PHF20: variants seen among roughly 807,000 people sequenced by gnomAD.
The protein encoded by PHF20 is PHD finger protein 20, also known as glioma-expressed antigen 2.
A neutral mutation model predicts 113.5 loss-of-function variants in PHF20; 23 were observed. The ratio of observed to expected loss-of-function variants is 0.20; its 90% CI spans 0.15 to 0.29. The LOEUF (loss-of-function observed/expected upper bound fraction) is 0.29. Ranked by LOEUF, PHF20 falls within the 10% of genes least tolerant of loss-of-function variation. The pLI is 1.00. For missense variants in PHF20, 943 were observed against 1,219.6 expected, an observed-to-expected ratio of 0.77 and a Z score of 3.38; for synonymous variants, 434 against 457.3, an observed-to-expected ratio of 0.95 and a Z score of 0.65.
rs1239014187 is a variant in PHF20, at chr20:35,863,261, C to T, written c.669C>T (p.Asn223=). The change falls in exon 6 of 18, where the codon AAC becomes AAT. Residue 223 remains asparagine, a synonymous_variant. Coordinates refer to ENST00000374012, the MANE Select transcript of PHF20 (RefSeq NM_016436.5). ...LPKNEKEDKE[N]ISENDREYSG... is the part of the protein sequence containing the mutation. The stretch of plus-strand genomic sequence containing the variant: ...AGAACGAGAAGGAAGACAAGGAAAA[C>T]ATTTCCGAAAATGACAGAGAGTATT... 4 of 1,614,036 alleles carry T rather than the reference C, an allele frequency of 2.5e-6. No homozygotes were observed. Among genetic ancestry groups the T allele is most frequent in the Non-Finnish European group, 3.4e-6 (4 of 1,180,016 alleles).
chr20:35,924,110 A>G (rs2055572684), intron 13 of PHF20, among the ~76,000 whole-genome samples: 2 of 151,948 alleles, frequency 1.3e-5, no homozygotes, highest in African/African-American at 2.4e-5. Context: ...TGTTAAGTAC[A>G]TTCACATTGC....
At chr20:35,863,962 A>T (rs1029032908) in intron 6 of PHF20, among the ~76,000 whole-genome samples, 1 of 152,204 alleles carries the variant, frequency 6.6e-6, no homozygotes, top group African/African-American at 2.4e-5. Flanking sequence ...TAGAGGGTAT[A>T]GATTTAGGGA....
At chr20:35,841,162 T>A (rs902685014) in intron 2 of PHF20, among the ~76,000 whole-genome samples, 18 of 152,010 alleles carry the variant, frequency 1.2e-4, no homozygotes, top group African/African-American at 3.9e-4. Context: ...CTGGGCAACG[T>A]AACAGAACTC....
At chr20:35,775,581 C>A (rs2041156581) in intron 1 of PHF20, among the ~76,000 whole-genome samples, 3 of 152,016 alleles carry the variant, frequency 2.0e-5, no homozygotes, top group Admixed American at 2.0e-4. Context: ...CAGTGAAACC[C>A]TGTCTCTACT....
chr20:35,795,723 A>AT, intron 1 of PHF20, among the ~76,000 whole-genome samples: 1 of 152,262 alleles, frequency 6.6e-6, no homozygotes, highest in Admixed American at 6.6e-5. Context: ...CTGAGGTTCG[A>AT]TTGCTGGCTC....
chr20:35,897,378 T>A (rs1451485669), intron 9 of PHF20, among the ~76,000 whole-genome samples: 5 of 152,096 alleles, frequency 3.3e-5, no homozygotes, highest in African/African-American at 1.2e-4. Flanking sequence ...ATGTATACGA[T>A]GTATAATGAT....
At chr20:35,803,875 T>C (rs1283352653) in intron 2 of PHF20, among the ~76,000 whole-genome samples, 1 of 151,728 alleles carries the variant, frequency 6.6e-6, no homozygotes, top group Non-Finnish European at 1.5e-5. Flanking sequence ...CCACCCCTGA[T>C]ATAGGGTCTT....
chr20:35,892,045 G>GT (rs932566559), intron 9 of PHF20, among the ~76,000 whole-genome samples: 267 of 144,052 alleles, frequency 1.9e-3, no homozygotes, highest in Non-Finnish European at 3.0e-3. Flanking sequence ...AATTTTTTTT[G>GT]TTTTTTTTTG....
intron 9 of PHF20, chr20:35,878,814 G>T: frequency 1.6e-6 from 1 of 612,818 alleles, no homozygotes; most frequent in East Asian, 2.8e-5. Context: ...TATTATTGTT[G>T]AAAATAAACT....
chr20:35,887,900 A>T (rs2054767166), intron 9 of PHF20: 1 of 150,990 alleles, frequency 6.6e-6, no homozygotes, highest in African/African-American at 2.4e-5. Context: ...GGAGGCAGGG[A>T]TTATTAGGAA....
intron 15 of PHF20, 59 bp downstream of exon 15, chr20:35,931,503 T>C (rs1600956491): frequency 1.5e-6 from 2 of 1,327,202 alleles, no homozygotes; most frequent in East Asian, 2.4e-5. Context: ...GGGGGCTGAG[T>C]AAATCTGAGA....
intron 2 of PHF20, among the ~76,000 whole-genome samples, chr20:35,813,974 G>A (rs2042022890): frequency 6.7e-6 from 1 of 148,610 alleles, no homozygotes; most frequent in Non-Finnish European, 1.5e-5. Context: ...TGACCTCTGA[G>A]GTTGAGGCTG....
chr20:35,917,549 G>T lies in PHF20; in HGVS notation c.1891G>T (p.Asp631Tyr). The stretch of plus-strand genomic sequence containing the variant: ...CTGGAGTGATGATGAGTATGGCCAA[G>T]ATGTGGATGTGACCACCAACCCAGA... ...FLWSDDEYGQ[D>Y]VDVTTNPDEE... Residue 631 changes from aspartate to tyrosine, a missense_variant, in exon 13 of 18, where the codon GAT becomes TAT. Transcript: ENST00000374012. The T allele has an allele frequency of 6.2e-7, 1 of 1,614,114 alleles. No homozygotes were observed. Among genetic ancestry groups the T allele is most frequent in the Non-Finnish European group, 8.5e-7 (1 of 1,179,982 alleles).
intron 2 of PHF20, among the ~76,000 whole-genome samples, chr20:35,823,600 T>C (rs565285684): frequency 8.2e-6 from 1 of 122,086 alleles, no homozygotes; most frequent in Admixed American, 1.1e-4. Flanking sequence ...GCACTCCAAC[T>C]CCAGCCTGTG....
At chr20:35,864,407 A>AACACACACACACACAC (rs376477234) in intron 6 of PHF20, among the ~76,000 whole-genome samples, 25 of 132,526 alleles carry the variant, frequency 1.9e-4, no homozygotes, top group Middle Eastern at 3.6e-3. Context: ...CCCATCTCAA[A>AACACACACACACACAC]ACACACACAC....
In PHF20 at chr20:35,847,983, GCAGA is replaced by G. The variant is rs1321714994; in HGVS notation, c.340+552_340+555del. On this transcript the variant is annotated intron_variant, in intron 4 of 17. Coordinates refer to ENST00000374012, the MANE Select transcript of PHF20 (RefSeq NM_016436.5). ...GAGGCTCAATTTTGCTAGTAAAAGG[GCAGA>G]CAAAGAGTTATGAGGATAATATGTA... Among the ~76,000 whole-genome samples the G allele has an allele frequency of 4.6e-5, 7 of 152,226 alleles. No homozygotes were observed. The East Asian group carries it at 1.4e-3, about 29-fold the overall frequency.
Position 35,821,575 on chromosome 20 carries a change from C to T in PHF20, c.83+19970C>T, listed in dbSNP as rs542947072. Among the ~76,000 whole-genome samples the T allele has an allele frequency of 3.3e-5, 5 of 151,466 alleles. No homozygotes were observed. The East Asian group carries it at 5.8e-4, about 18-fold the overall frequency. On this transcript the variant is annotated intron_variant, in intron 2 of 17. Coordinates refer to ENST00000374012, the MANE Select transcript of PHF20 (RefSeq NM_016436.5). ...TTGGGAGGTTGAAGTGGGAGAATCA[C>T]TTGAACCTGAGGGGCAGAGGTTGCA...
intron 3 of PHF20, among the ~76,000 whole-genome samples, chr20:35,844,713 A>C (rs2042592837): frequency 6.6e-6 from 1 of 152,118 alleles, no homozygotes; most frequent in Non-Finnish European, 1.5e-5. Flanking sequence ...ATTACAGATT[A>C]AGCCCTAATT....
intron 2 of PHF20, among the ~76,000 whole-genome samples, chr20:35,813,124 C>A (rs531226532): frequency 6.6e-6 from 1 of 152,086 alleles, no homozygotes; most frequent in Non-Finnish European, 1.5e-5. Flanking sequence ...CCCGCCACCA[C>A]GCCCGGCTAA....
Sources: gnomAD v4.1 joint callset for allele counts (sites outside exome capture counted in the v4.1 genomes callset) on GRCh38, gnomAD v4.1.1 for gene constraint, MANE v1.5 for transcripts, NCBI Gene and HGNC (gene_info 2026-07-23, HGNC 2026-07-21) for gene names.